The following CRACD variants were observed in gnomAD, a reference collection of about 807,000 sequenced individuals.
CRACD encodes capping protein-inhibiting regulator of actin dynamics.
CRACD carries 56 observed loss-of-function variants against 106.8 expected under a neutral mutation model. That is an observed-to-expected ratio of 0.52 (90% CI 0.42 to 0.66). CRACD has a LOEUF of 0.66. Among genes scored for constraint, CRACD ranks in the 30% least tolerant of loss-of-function variants. CRACD has a pLI of 0.00. For missense variants in CRACD, 1,730 were observed against 1,623.2 expected (o/e 1.07, Z -1.13); for synonymous variants, 754 against 670.8 (o/e 1.12, Z -1.92).
intron 10 of CRACD, among the ~76,000 whole-genome samples, chr4:56,325,146 G>A (rs1255531972): frequency 6.6e-6 from 1 of 152,072 alleles, no homozygotes; most frequent in African/African-American, 2.4e-5. Flanking sequence ...ATTAGCCTGG[G>A]CAACATGGCG....
intron 2 of CRACD, among the ~76,000 whole-genome samples, chr4:56,203,501 G>C (rs1001371253): frequency 2.0e-5 from 3 of 152,150 alleles, no homozygotes; most frequent in Admixed American, 2.0e-4. Flanking sequence ...TTACAGGCAG[G>C]TCTGGGCAGT....
At chr4:56,145,052 T>C (rs1300303377) in intron 1 of CRACD, among the ~76,000 whole-genome samples, 2 of 152,174 alleles carry the variant, frequency 1.3e-5, no homozygotes, top group Non-Finnish European at 2.9e-5. Context: ...CCTCCCAAAG[T>C]GCTGAGATTA....
intron 1 of CRACD, among the ~76,000 whole-genome samples, chr4:56,092,455 G>A (rs1733453123): frequency 6.6e-6 from 1 of 152,112 alleles, no homozygotes; most frequent in African/African-American, 2.4e-5. Context: ...TTCTGTAAGT[G>A]TAAATTTCAA....
At chr4:56,063,365 T>A (rs973793847) in intron 1 of CRACD, among the ~76,000 whole-genome samples, 38 of 152,086 alleles carry the variant, frequency 2.5e-4, no homozygotes, top group African/African-American at 8.0e-4. Context: ...GCCAAAAAAA[T>A]TTTTTATTGT....
At chr4:56,277,204 C>A (rs1050965440) in intron 3 of CRACD, among the ~76,000 whole-genome samples, 5 of 151,598 alleles carry the variant, frequency 3.3e-5, no homozygotes, top group African/African-American at 4.9e-5. Context: ...CTCCACAGAC[C>A]AATATCCTTT....
intron 1 of CRACD, among the ~76,000 whole-genome samples, chr4:56,053,276 T>G (rs1731934336): frequency 6.6e-6 from 1 of 152,204 alleles, no homozygotes; most frequent in Non-Finnish European, 1.5e-5. Context: ...GTAAAGTACT[T>G]TAAGAAACCA....
intron 1 of CRACD, among the ~76,000 whole-genome samples, chr4:56,143,055 C>G (rs1735259601): frequency 6.6e-6 from 1 of 151,458 alleles, no homozygotes; most frequent in South Asian, 2.1e-4. Context: ...AATTTTAGAA[C>G]TATAATATCT....
chr4:56,124,443 G>A (rs933432698), intron 1 of CRACD, among the ~76,000 whole-genome samples: 2 of 152,020 alleles, frequency 1.3e-5, no homozygotes, highest in Non-Finnish European at 2.9e-5. Context: ...TCCATTATGT[G>A]TCTTATCAGA....
Position 56,307,602 on chromosome 4 carries a change from A to G in CRACD, c.188A>G (p.Asn63Ser). ...SPNAIPMNKA[N>S]SGEASLEEDL... Reference sequence around the variant, plus strand: ...AATGCCATTCCCATGAATAAGGCAAACAGTGGAGAGGCTAGCTTAGAAGAG... The same window carrying G: ...AATGCCATTCCCATGAATAAGGCAAGCAGTGGAGAGGCTAGCTTAGAAGAG... Residue 63 changes from asparagine (N) to serine (S), a missense_variant, in exon 5 of 11, where the codon AAC (asparagine) becomes AGC (serine). Asn to Ser is a conservative substitution (Grantham distance 46). Coordinates refer to ENST00000682029, the MANE Select transcript of CRACD (RefSeq NM_001393381.1). 1.9e-6 allele frequency: 3 copies of G among 1,614,220 alleles called. No homozygotes were observed. Among genetic ancestry groups the G allele is most frequent in the Non-Finnish European group, 2.5e-6 (3 of 1,180,042 alleles).
At chr4:56,231,941 G>A (rs1415509080) in intron 2 of CRACD, among the ~76,000 whole-genome samples, 1 of 152,170 alleles carries the variant, frequency 6.6e-6, no homozygotes, top group Non-Finnish European at 1.5e-5. Context: ...CATGTGTTGT[G>A]TATATGCTAT....
intron 6 of CRACD, 135 bp from the exon 7 acceptor site, chr4:56,313,062 G>A: frequency 1.4e-6 from 1 of 726,398 alleles, no homozygotes; most frequent in African/African-American, 1.8e-5. Context: ...ATTTTCTGAG[G>A]AGTTCCCTCT....
intron 3 of CRACD, among the ~76,000 whole-genome samples, chr4:56,274,872 G>C (rs1056502567): frequency 6.6e-6 from 1 of 152,172 alleles, no homozygotes; most frequent in Non-Finnish European, 1.5e-5. Flanking sequence ...CAAAGACATA[G>C]AGTCAACCTA....
intron 3 of CRACD, among the ~76,000 whole-genome samples, chr4:56,275,881 T>C (rs562803): frequency 0.48 from 72,237 of 152,024 alleles, 18,133 homozygotes; most frequent in African/African-American, 0.64. Flanking sequence ...GCTTGGCATG[T>C]GCCCACAAAG....
At chr4:56,289,753 G>A (rs1310480901) in intron 3 of CRACD, among the ~76,000 whole-genome samples, 4 of 151,856 alleles carry the variant, frequency 2.6e-5, no homozygotes, top group Non-Finnish European at 5.9e-5. Flanking sequence ...GCAATCGTGG[G>A]TGAACTGGAA....
intron 2 of CRACD, among the ~76,000 whole-genome samples, chr4:56,207,798 T>A (rs894084756): frequency 6.9e-6 from 1 of 144,966 alleles, no homozygotes; most frequent in Non-Finnish European, 1.5e-5. Context: ...TATTTTATTT[T>A]TTCATTTATT....
chr4:56,165,987 A>G (rs1336687401), intron 1 of CRACD, among the ~76,000 whole-genome samples: 2 of 152,084 alleles, frequency 1.3e-5, no homozygotes, highest in Non-Finnish European at 2.9e-5. Flanking sequence ...CAACCTCCAG[A>G]GTAGATAGGA....
intron 1 of CRACD, among the ~76,000 whole-genome samples, chr4:56,148,574 T>A (rs1463696146): frequency 6.6e-6 from 1 of 152,148 alleles, no homozygotes; most frequent in South Asian, 2.1e-4. Context: ...ATTACAGGCA[T>A]GAGCCATTGT....
intron 4 of CRACD, among the ~76,000 whole-genome samples, chr4:56,304,535 C>T (rs73240539): frequency 0.058 from 8,754 of 151,992 alleles, 342 homozygotes; most frequent in Middle Eastern, 0.16. Flanking sequence ...GCCAGCACTT[C>T]GGGAGGCGGA....
At chr4:56,271,582 CA>C (rs1742349961) in intron 2 of CRACD, among the ~76,000 whole-genome samples, 1 of 151,082 alleles carries the variant, frequency 6.6e-6, no homozygotes, top group African/African-American at 2.4e-5. Context: ...AAAAAAAAAA[CA>C]AAACTATCTG....
Sources: gnomAD v4.1 joint callset for allele counts (sites outside exome capture counted in the v4.1 genomes callset) on GRCh38, gnomAD v4.1.1 for gene constraint, MANE v1.5 for transcripts, NCBI Gene and HGNC (gene_info 2026-07-23, HGNC 2026-07-21) for gene names.